Variants in HECW1 observed in about 807,000 individuals in gnomAD.
The protein encoded by HECW1 is E3 ubiquitin-protein ligase HECW1.
Under a neutral mutation model 182.3 loss-of-function variants are expected in HECW1, and 61 were observed. The observed-to-expected ratio is 0.33, with a 90% confidence interval of 0.27 to 0.41. The LOEUF (loss-of-function observed/expected upper bound fraction) is 0.41, where lower values mean the gene tolerates loss of function less well. Ranked by LOEUF, HECW1 falls within the 10% of genes least tolerant of loss-of-function variation. HECW1 has a pLI of 1.00. For synonymous variants in HECW1, 859 were observed against 832.6 expected, an observed-to-expected ratio of 1.03 and a Z score of -0.55; for missense variants, 1,739 against 2,108.9, an observed-to-expected ratio of 0.82 and a Z score of 3.44.
chr7:43,263,162 T>A (rs1022589315), intron 3 of HECW1, among the ~76,000 whole-genome samples: 1 of 152,194 alleles, frequency 6.6e-6, no homozygotes, highest in Non-Finnish European at 1.5e-5. Flanking sequence ...GTTATTTTTC[T>A]CAGAGAGGAA....
intron 2 of HECW1, among the ~76,000 whole-genome samples, chr7:43,129,019 G>A (rs1786605658): frequency 6.6e-6 from 1 of 152,198 alleles, no homozygotes; most frequent in Admixed American, 6.5e-5. Context: ...AGCAAGGAAA[G>A]TGATTTCTTG....
intron 2 of HECW1, among the ~76,000 whole-genome samples, chr7:43,242,306 T>C (rs1032655708): frequency 2.0e-5 from 3 of 151,536 alleles, no homozygotes; most frequent in Non-Finnish European, 2.9e-5. Flanking sequence ...GAGAGGGAGG[T>C]TTGGACCACG....
At chr7:43,311,560 T>C (rs770889925) in intron 3 of HECW1, 43 of 751,990 alleles carry the variant, frequency 5.7e-5, no homozygotes, top group Non-Finnish European at 1.0e-4. Context: ...TGCACTTGTG[T>C]TTTTGTTCTT....
In HECW1 at chr7:43,277,404, A is replaced by C. The variant is rs138708328; in HGVS notation, c.27+33472A>C. Among the ~76,000 whole-genome samples, 902 of 152,268 alleles carry C rather than the reference A, an allele frequency of 5.9e-3. 4 individuals carry two copies. The highest frequency in any genetic ancestry group is 0.017 in the Middle Eastern group (5 of 294). On this transcript the variant is annotated intron_variant, in intron 3 of 29. Coordinates refer to ENST00000395891, the MANE Select transcript of HECW1 (RefSeq NM_015052.5). ...CCGTTTGGTTTTGTTTTAGGTGTTT[A>C]GCAGCCTGAAGCCATGGTTTTTCGT...
chr7:43,200,144 C>T (rs369215994), intron 2 of HECW1, among the ~76,000 whole-genome samples: 11 of 152,232 alleles, frequency 7.2e-5, no homozygotes, highest in African/African-American at 1.4e-4. Flanking sequence ...AACTTTCAAA[C>T]GGATTTGATT....
chr7:43,135,954 G>T (rs1787480666), intron 2 of HECW1, among the ~76,000 whole-genome samples: 1 of 148,598 alleles, frequency 6.7e-6, no homozygotes. Context: ...ATTTTTTTCA[G>T]GATGCAAAAT....
chr7:43,445,699 C>T, intron 11 of HECW1, 129 bp downstream of exon 11: 2 of 1,106,264 alleles, frequency 1.8e-6, no homozygotes, highest in Non-Finnish European at 2.5e-6. Context: ...GTATGCCTGT[C>T]TTGTATATAC....
intron 2 of HECW1, among the ~76,000 whole-genome samples, chr7:43,233,133 T>C (rs1221369109): frequency 6.6e-6 from 1 of 152,140 alleles, no homozygotes; most frequent in East Asian, 1.9e-4. Flanking sequence ...AGAACCTCTA[T>C]TTCTATGTTC....
intron 3 of HECW1, among the ~76,000 whole-genome samples, chr7:43,256,881 T>C (rs1472316429): frequency 6.6e-6 from 1 of 152,188 alleles, no homozygotes; most frequent in African/African-American, 2.4e-5. Flanking sequence ...AAACCATGTA[T>C]TGACAATCAC....
intron 24 of HECW1, among the ~76,000 whole-genome samples, chr7:43,538,493 A>G (rs1377657960): frequency 3.9e-5 from 6 of 152,210 alleles, no homozygotes; most frequent in Non-Finnish European, 8.8e-5. Context: ...AGAAACTGAG[A>G]AGAGGGAGGT....
At chr7:43,480,988 A>G (rs1287854776) in intron 17 of HECW1, among the ~76,000 whole-genome samples, 2 of 152,218 alleles carry the variant, frequency 1.3e-5, no homozygotes, top group Non-Finnish European at 2.9e-5. Flanking sequence ...TGCCAGTGTG[A>G]TAAAATGAAT....
intron 21 of HECW1, among the ~76,000 whole-genome samples, chr7:43,503,369 A>G (rs1381689812): frequency 2.0e-5 from 3 of 152,200 alleles, no homozygotes; most frequent in African/African-American, 7.2e-5. Context: ...CATGTTGTAG[A>G]GATTGTCCCA....
intron 3 of HECW1, among the ~76,000 whole-genome samples, chr7:43,291,365 T>G (rs538256811): frequency 6.6e-6 from 1 of 152,332 alleles, no homozygotes; most frequent in Non-Finnish European, 1.5e-5. Flanking sequence ...TAAAACTTTT[T>G]TTAAATAGGT....
At chr7:43,355,855 G>T (rs1324444355) in intron 5 of HECW1, among the ~76,000 whole-genome samples, 2 of 151,984 alleles carry the variant, frequency 1.3e-5, no homozygotes, top group African/African-American at 4.8e-5. Context: ...TGGGTGTGGT[G>T]GCGCACACCT....
At chr7:43,395,509 T>C (rs1018767771) in intron 6 of HECW1, among the ~76,000 whole-genome samples, 1 of 152,236 alleles carries the variant, frequency 6.6e-6, no homozygotes, top group African/African-American at 2.4e-5. Flanking sequence ...TTTACTCTGA[T>C]TCTTATCAAA....
At chr7:43,519,392 C>T (rs1344619182) in intron 24 of HECW1, among the ~76,000 whole-genome samples, 1 of 152,054 alleles carries the variant, frequency 6.6e-6, no homozygotes, top group African/African-American at 2.4e-5. Flanking sequence ...ACTACAGGCG[C>T]CCACTATCAC....
intron 6 of HECW1, among the ~76,000 whole-genome samples, chr7:43,378,876 C>CAG (rs1260415554): frequency 6.6e-5 from 10 of 151,772 alleles, no homozygotes; most frequent in African/African-American, 2.2e-4. Flanking sequence ...GATGGTGAAA[C>CAG]AGACAAGACT....
rs1170663992 is a variant in HECW1 at position 43,360,872 on chromosome 7, TG to T, written c.461-13del. ...CACCCTACTTCTCAGTCTCATTTTTTGTTTGTCTTTCAGCTGAAACTAAGAT... is the reference window on the plus strand; with the variant it reads ...CACCCTACTTCTCAGTCTCATTTTTTTTTGTCTTTCAGCTGAAACTAAGAT... On this transcript the variant is annotated splice_polypyrimidine_tract_variant and intron_variant, in intron 5 of 29. Transcript: ENST00000395891. The T allele has an allele frequency of 3.1e-6, 5 of 1,607,048 alleles. No homozygotes were observed. In the African/African-American group the frequency reaches 5.3e-5, roughly 17 times the overall value.
At chr7:43,435,334 GA>G (rs1319020347) in intron 8 of HECW1, among the ~76,000 whole-genome samples, 1 of 152,188 alleles carries the variant, frequency 6.6e-6, no homozygotes, top group African/African-American at 2.4e-5. Context: ...TCTCACTTAG[GA>G]AGGCCTTTTT....
Sources: allele counts gnomAD v4.1 joint callset (sites outside exome capture counted in the v4.1 genomes callset), GRCh38; gene constraint gnomAD v4.1.1; transcripts MANE v1.5; gene names NCBI Gene and HGNC (gene_info 2026-07-23, HGNC 2026-07-21).